The following CNTNAP2 variants were observed in gnomAD, a reference collection of about 807,000 sequenced individuals.
The protein encoded by CNTNAP2 is contactin-associated protein-like 2.
CNTNAP2 carries 98 observed loss-of-function variants against 155.2 expected under a neutral mutation model. That is an observed-to-expected ratio of 0.63 (90% CI 0.54 to 0.75). The LOEUF is 0.75. Among genes scored for constraint, CNTNAP2 ranks in the 30% least tolerant of loss-of-function variants. The pLI, the probability that CNTNAP2 is intolerant of heterozygous loss-of-function variation, is 0.00. For missense variants in CNTNAP2, 1,727 were observed against 1,688.1 expected (o/e 1.02, Z -0.40); for synonymous variants, 651 against 631.2 (o/e 1.03, Z -0.47).
chr7:147,183,273 A>G (rs752143084), intron 8 of CNTNAP2, among the ~76,000 whole-genome samples: 1 of 152,218 alleles, frequency 6.6e-6, no homozygotes, highest in Admixed American at 6.5e-5. Flanking sequence ...TTAAGTCATC[A>G]ATACTGTTTT....
intron 4 of CNTNAP2, among the ~76,000 whole-genome samples, chr7:147,050,814 G>A (rs1159816252): frequency 6.6e-6 from 1 of 152,146 alleles, no homozygotes; most frequent in African/African-American, 2.4e-5. Context: ...CTGAAGTCAA[G>A]GTGTTAGCAA....
chr7:147,912,555 G>A (rs917235801), intron 14 of CNTNAP2, among the ~76,000 whole-genome samples: 1 of 152,178 alleles, frequency 6.6e-6, no homozygotes, highest in Non-Finnish European at 1.5e-5. Context: ...GACAAGGATT[G>A]GAGCTAACAG....
Position 147,302,720 on chromosome 7 carries a change from G to T in CNTNAP2, c.1498+2430G>T, listed in dbSNP as rs184415806. Among the ~76,000 whole-genome samples, 280 of 152,300 alleles carry T rather than the reference G, an allele frequency of 1.8e-3. 1 individual carries two copies. The highest frequency in any genetic ancestry group is 6.5e-3 in the African/African-American group (269 of 41,574). Reference sequence around the variant, plus strand: ...TTGACCTTAGCCAATTTGCACACATGCCTTTTAGATTCTTTTTGTAAAACA... The same window carrying T: ...TTGACCTTAGCCAATTTGCACACATTCCTTTTAGATTCTTTTTGTAAAACA... On this transcript the variant is annotated intron_variant, in intron 9 of 23. Coordinates refer to ENST00000361727, the MANE Select transcript of CNTNAP2 (RefSeq NM_014141.6).
intron 4 of CNTNAP2, among the ~76,000 whole-genome samples, chr7:147,083,648 T>C (rs1800193065): frequency 6.9e-6 from 1 of 144,844 alleles, no homozygotes; most frequent in Non-Finnish European, 1.5e-5. Flanking sequence ...TATATATCTA[T>C]AATGCTATAT....
intron 18 of CNTNAP2, among the ~76,000 whole-genome samples, chr7:148,181,861 C>T (rs1280183436): frequency 6.8e-6 from 1 of 147,590 alleles, no homozygotes; most frequent in African/African-American, 2.5e-5. Flanking sequence ...GGGTTCACGC[C>T]ATTCTCCTGC....
chr7:147,341,720 C>T (rs73473107), intron 9 of CNTNAP2, among the ~76,000 whole-genome samples: 3,597 of 151,270 alleles, frequency 0.024, 160 homozygotes, highest in African/African-American at 0.083. Context: ...AACTCCTACC[C>T]CAAACCCAAC....
At chr7:147,546,645 C>T (rs1232424676) in intron 11 of CNTNAP2, among the ~76,000 whole-genome samples, 2 of 152,258 alleles carry the variant, frequency 1.3e-5, no homozygotes, top group East Asian at 1.9e-4. Flanking sequence ...ATTTGTGTGA[C>T]CCCTTGGAGC....
intron 11 of CNTNAP2, among the ~76,000 whole-genome samples, chr7:147,560,168 C>CAAA (rs71183016): frequency 0.038 from 1,994 of 52,696 alleles, 120 homozygotes; most frequent in Non-Finnish European, 0.052. Context: ...AACTCCGTCT[C>CAAA]AAAAAAAAAA....
At chr7:147,647,670 C>A (rs1795389101) in intron 13 of CNTNAP2, among the ~76,000 whole-genome samples, 1 of 152,242 alleles carries the variant, frequency 6.6e-6, no homozygotes, top group Admixed American at 6.5e-5. Flanking sequence ...TATCTTCCAT[C>A]ATGCCCAGCT....
At chr7:146,158,573 G>T (rs111885235) in intron 1 of CNTNAP2, among the ~76,000 whole-genome samples, 1 of 152,078 alleles carries the variant, frequency 6.6e-6, no homozygotes, top group Non-Finnish European at 1.5e-5. Context: ...TGAAAACCAC[G>T]GCATGAGAAC....
At chr7:148,032,516 A>T (rs1405164870) in intron 15 of CNTNAP2, among the ~76,000 whole-genome samples, 1 of 152,178 alleles carries the variant, frequency 6.6e-6, no homozygotes, top group Non-Finnish European at 1.5e-5. Flanking sequence ...CAGATCTCAA[A>T]ATCAGAGGAA....
chr7:147,563,871 T>C (rs1428519602), intron 12 of CNTNAP2, among the ~76,000 whole-genome samples: 1 of 152,030 alleles, frequency 6.6e-6, no homozygotes, highest in Non-Finnish European at 1.5e-5. Context: ...AATGGTACTC[T>C]AGGCAAGCAG....
intron 1 of CNTNAP2, among the ~76,000 whole-genome samples, chr7:146,753,014 G>A (rs1801932483): frequency 6.6e-6 from 1 of 152,154 alleles, no homozygotes; most frequent in Non-Finnish European, 1.5e-5. Flanking sequence ...TTGAGGCAGA[G>A]TTCATAGAGC....
At chr7:147,422,300 T>A (rs1797308175) in intron 10 of CNTNAP2, among the ~76,000 whole-genome samples, 1 of 150,752 alleles carries the variant, frequency 6.6e-6, no homozygotes, top group Non-Finnish European at 1.5e-5. Flanking sequence ...CATATATTCA[T>A]CCACACATCC....
chr7:147,501,638 A>C (rs1427741543), intron 11 of CNTNAP2, among the ~76,000 whole-genome samples: 1 of 152,262 alleles, frequency 6.6e-6, no homozygotes, highest in Non-Finnish European at 1.5e-5. Flanking sequence ...ACTTTCTATT[A>C]GATGATTTTG....
At chr7:148,094,863 G>C (rs1329844145) in intron 15 of CNTNAP2, among the ~76,000 whole-genome samples, 1 of 152,182 alleles carries the variant, frequency 6.6e-6, no homozygotes, top group African/African-American at 2.4e-5. Flanking sequence ...ACCCTGATTA[G>C]ACATAGATGG....
chr7:146,218,867 T>C (rs1056568330), intron 1 of CNTNAP2, among the ~76,000 whole-genome samples: 4 of 152,208 alleles, frequency 2.6e-5, no homozygotes, highest in Non-Finnish European at 5.9e-5. Context: ...CTGATGGAAC[T>C]GGATCTCTCT....
At chr7:146,906,960 A>G (rs1362055181) in intron 3 of CNTNAP2, among the ~76,000 whole-genome samples, 2 of 148,310 alleles carry the variant, frequency 1.3e-5, no homozygotes, top group Non-Finnish European at 3.0e-5. Flanking sequence ...TGCTTAAAGG[A>G]GCTGATGGAG....
At chr7:147,552,317 C>A (rs556025706) in intron 11 of CNTNAP2, among the ~76,000 whole-genome samples, 49 of 152,120 alleles carry the variant, frequency 3.2e-4, no homozygotes, top group African/African-American at 1.1e-3. Flanking sequence ...CTTTATTTAA[C>A]AATTAAAAAT....
Sources: allele counts gnomAD v4.1 joint callset (sites outside exome capture counted in the v4.1 genomes callset), GRCh38; gene constraint gnomAD v4.1.1; transcripts MANE v1.5; gene names NCBI Gene and HGNC (gene_info 2026-07-23, HGNC 2026-07-21).